The following ERICH3 variants were observed in gnomAD, a reference collection of about 807,000 sequenced individuals.
ERICH3 encodes glutamate rich 3.
ERICH3 carries 126 observed loss-of-function variants against 131.1 expected under a neutral mutation model. The ratio of observed to expected loss-of-function variants is 0.96; its 90% CI spans 0.83 to 1.11. The LOEUF is 1.11. Among genes scored for constraint, ERICH3 ranks in the 50% most tolerant of loss-of-function variants. The pLI, the probability that ERICH3 is intolerant of heterozygous loss-of-function variation, is 0.00. For missense variants in ERICH3, 2,050 were observed against 1,810.7 expected (o/e 1.13, Z -2.40); for synonymous variants, 695 against 644.6 (o/e 1.08, Z -1.18).
chr1:74,626,776 C>T (rs1649430709), intron 7 of ERICH3, among the ~76,000 whole-genome samples: 1 of 152,110 alleles, frequency 6.6e-6, no homozygotes, highest in Non-Finnish European at 1.5e-5. Context: ...TAGAACAAAA[C>T]AGGACAAAGC....
chr1:74,636,649 G>T (rs1646392219), intron 5 of ERICH3, among the ~76,000 whole-genome samples: 1 of 152,108 alleles, frequency 6.6e-6, no homozygotes, highest in South Asian at 2.1e-4. Flanking sequence ...ATAACTAAAT[G>T]CCACAATTAT....
At chr1:74,641,636 T>C (rs1204587539) in intron 4 of ERICH3, among the ~76,000 whole-genome samples, 177 bp from the exon 5 acceptor site, 1 of 152,112 alleles carries the variant, frequency 6.6e-6, no homozygotes, top group Non-Finnish European at 1.5e-5. Context: ...CGGCTTTAGT[T>C]GTGCTCAAAG....
At chr1:74,576,228 G>A (rs1426156802) in intron 13 of ERICH3, among the ~76,000 whole-genome samples, 1 of 152,162 alleles carries the variant, frequency 6.6e-6, no homozygotes, top group African/African-American at 2.4e-5. Flanking sequence ...CATAAAGAAA[G>A]CCCTAATAAT....
At chr1:74,575,205 G>A (rs373354576) in intron 13 of ERICH3, among the ~76,000 whole-genome samples, 25 of 152,248 alleles carry the variant, frequency 1.6e-4, no homozygotes, top group South Asian at 8.3e-4. Context: ...CACGGTTATC[G>A]TTTGTTGCAT....
intron 2 of ERICH3, among the ~76,000 whole-genome samples, chr1:74,647,791 C>G (rs1020748845): frequency 6.6e-6 from 1 of 152,110 alleles, no homozygotes; most frequent in Non-Finnish European, 1.5e-5. Context: ...TTAAGATCAA[C>G]CAGAGTTGTG....
intron 7 of ERICH3, chr1:74,625,168 T>G (rs1170824236): frequency 6.6e-6 from 1 of 152,238 alleles, no homozygotes; most frequent in East Asian, 1.9e-4. Context: ...TCTATCTTTT[T>G]GATGGCAATT....
chr1:74,573,420 G>C lies in ERICH3; in HGVS notation c.2290C>G (p.Gln764Glu). ...TTCTTCTCCAGTGTATACGTTTTTT[G>C]CACCAATTGCTGGGATTCCTTGTTT... ...NSNKESQQLV[Q>E]KTYTLEKKEA... The change falls in exon 14 of 15, where the codon CAA (glutamine) becomes GAA (glutamate). Residue 764 changes from glutamine (Q) to glutamate (E), a missense_variant. Physicochemically the swap from Gln to Glu is conservative, Grantham distance 29 (BLOSUM62 2). Coordinates refer to ENST00000326665, the MANE Select transcript of ERICH3 (RefSeq NM_001002912.5). 1 of 1,575,844 alleles carries C rather than the reference G, an allele frequency of 6.3e-7. No individual in the cohort carries two copies. The highest frequency in any genetic ancestry group is 8.6e-7 in the Non-Finnish European group (1 of 1,165,972).
At chr1:74,649,634 C>A (rs573797391) in intron 1 of ERICH3, among the ~76,000 whole-genome samples, 4 of 152,196 alleles carry the variant, frequency 2.6e-5, no homozygotes, top group African/African-American at 7.2e-5. Context: ...GCCACCAGCT[C>A]CATTTGTCAA....
rs766894993 is a variant in ERICH3 at position 74,568,304 on chromosome 1, G to A, written c.*2154C>T. 2.0e-5 allele frequency: 3 copies of A among 152,132 alleles called. No homozygotes were observed. The highest frequency in any genetic ancestry group is 4.4e-5 in the Non-Finnish European group (3 of 67,964). 9.4% of individuals were successfully genotyped at this position (152,132 alleles called of 1,614,324 possible). On this transcript the variant is annotated 3_prime_UTR_variant, in exon 15 of 15. Coordinates refer to ENST00000326665, the MANE Select transcript of ERICH3 (RefSeq NM_001002912.5). ...GTAAAATTATGTTATGGGATGTTTT[G>A]ATGGAGTGTGTTAAATATAAAAGTA...
At position 74,589,970 on chromosome 1, in the gene ERICH3, C is replaced by G. The variant is rs765975754; in HGVS notation, c.1837G>C (p.Glu613Gln). Reference sequence around the variant, plus strand: ...TGAGAAGATGACCTTCTGGCACTTTCATCTGTGCTGCTGTCAGTGTGGGCT... The same window carrying G: ...TGAGAAGATGACCTTCTGGCACTTTGATCTGTGCTGCTGTCAGTGTGGGCT... ...REAHTDSSTDESARRSSSQEL... is the reference protein window; with the variant it reads ...REAHTDSSTDQSARRSSSQEL... The change falls in exon 12 of 15, where the codon GAA (glutamate) becomes CAA (glutamine). Residue 613 changes from glutamate to glutamine, a missense_variant. Transcript: ENST00000326665. The G allele has an allele frequency of 1.2e-6, 2 of 1,614,060 alleles. No individual in the cohort carries two copies. Among genetic ancestry groups the G allele is most frequent in the South Asian group, 2.2e-5 (2 of 91,088 alleles).
At chr1:74,584,623 C>G (rs1297678296) in intron 12 of ERICH3, among the ~76,000 whole-genome samples, 1 of 152,176 alleles carries the variant, frequency 6.6e-6, no homozygotes, top group African/African-American at 2.4e-5. Flanking sequence ...CTACCCCTTC[C>G]TCAAACCATC....
rs1258752243 is a variant in ERICH3 at position 74,612,699 on chromosome 1, G to C, written c.1111C>G (p.Arg371Gly). ...RLSSCCEYKH[R>G]KGSRLGGKRG... ...TTGCCTCCAAGCCTGGAACCTTTCCGATGCTTGTATTCACAACAGGAGCTT... is the reference window on the plus strand; with the variant it reads ...TTGCCTCCAAGCCTGGAACCTTTCCCATGCTTGTATTCACAACAGGAGCTT... The change falls in exon 9 of 15, where the codon CGG (arginine) becomes GGG (glycine). Residue 371 changes from arginine (R) to glycine (G), a missense_variant. Coordinates refer to ENST00000326665, the MANE Select transcript of ERICH3 (RefSeq NM_001002912.5). 3.1e-6 allele frequency: 5 copies of C among 1,603,130 alleles called. No homozygotes were observed. Among genetic ancestry groups the C allele is most frequent in the South Asian group, 2.2e-5 (2 of 89,918 alleles).
intron 5 of ERICH3, 34 bp downstream of exon 5, chr1:74,641,297 G>T: frequency 6.2e-7 from 1 of 1,601,422 alleles, no homozygotes; most frequent in South Asian, 1.1e-5. Context: ...AATTAGCTGG[G>T]ATACTGCATG....
intron 12 of ERICH3, among the ~76,000 whole-genome samples, chr1:74,578,823 G>A (rs1201966147): frequency 6.6e-6 from 1 of 152,086 alleles, no homozygotes; most frequent in Non-Finnish European, 1.5e-5. Flanking sequence ...CTGCTAAGGG[G>A]TAATTACTTA....
chr1:74,630,827 G>A (rs1003369652), intron 7 of ERICH3, among the ~76,000 whole-genome samples: 2 of 151,956 alleles, frequency 1.3e-5, no homozygotes, highest in Non-Finnish European at 2.9e-5. Flanking sequence ...GCAAGGGTGG[G>A]CCTTGGGGAT....
At chr1:74,652,677 C>A (rs1021152763) in intron 1 of ERICH3, among the ~76,000 whole-genome samples, 2 of 151,942 alleles carry the variant, frequency 1.3e-5, no homozygotes, top group African/African-American at 4.8e-5. Flanking sequence ...ACTTCCTGGT[C>A]GTGCTGCTTC....
Position 74,673,539 on chromosome 1 carries a change from G to A in ERICH3, c.-20C>T, listed in dbSNP as rs1222120784. 6.2e-7 allele frequency: 1 copy of A among 1,611,236 alleles called. No homozygotes were observed. ...GCTCATTTTTGCAGGATCCCTTTTG[G>A]ACCCCGCGGCAGGTGCGGAGGGTGG... is the stretch of plus-strand genomic sequence containing the variant. On this transcript the variant is annotated 5_prime_UTR_variant, in exon 1 of 15. Coordinates refer to ENST00000326665, the MANE Select transcript of ERICH3 (RefSeq NM_001002912.5).
At chr1:74,660,685 T>C (rs1314985270) in intron 1 of ERICH3, among the ~76,000 whole-genome samples, 2 of 148,926 alleles carry the variant, frequency 1.3e-5, no homozygotes, top group East Asian at 3.9e-4. Context: ...TGTATATATA[T>C]AATATATATA....
At chr1:74,588,026 C>T (rs531446956) in intron 12 of ERICH3, among the ~76,000 whole-genome samples, 1 of 152,130 alleles carries the variant, frequency 6.6e-6, no homozygotes, top group Non-Finnish European at 1.5e-5. Flanking sequence ...TCTTGGCTTG[C>T]AGGCTATTTA....
Sources: allele counts gnomAD v4.1 joint callset (sites outside exome capture counted in the v4.1 genomes callset), GRCh38; gene constraint gnomAD v4.1.1; transcripts MANE v1.5; gene names NCBI Gene and HGNC (gene_info 2026-07-23, HGNC 2026-07-21).